LMNA: variants seen among roughly 807,000 people sequenced by gnomAD.
LMNA encodes lamin.
Under a neutral mutation model 70.4 loss-of-function variants are expected in LMNA, and 20 were observed. That is an observed-to-expected ratio of 0.28 (90% CI 0.20 to 0.41). LMNA has a LOEUF of 0.41. Among genes scored for constraint, LMNA ranks in the 10% least tolerant of loss-of-function variants. The probability of loss-of-function intolerance (pLI) is 1.00; values close to 1 mark genes in which losing one functional copy is unlikely to be tolerated. For synonymous variants in LMNA, 339 were observed against 372.8 expected (o/e 0.91, Z 1.04); for missense variants, 652 against 917.2 (o/e 0.71, Z 3.73).
rs1189029508 is a variant in LMNA at position 156,119,836 on chromosome 1, G to GC, written c.356+4568dup. The stretch of plus-strand genomic sequence containing the variant: ...GGTGGTCTGAATGTCTACCTCTTCT[G>GC]CCCCCCTCCCCATTGCATCCTGGAG... On this transcript the variant is annotated intron_variant, in intron 1 of 11. Coordinates refer to ENST00000368300, the MANE Select transcript of LMNA (RefSeq NM_170707.4). Among the ~76,000 whole-genome samples the GC allele has an allele frequency of 4.6e-5, 7 of 151,996 alleles. No homozygotes were observed. In the East Asian group the frequency reaches 9.7e-4, roughly 21 times the overall value.
At chr1:156,097,700 G>A (rs1480671651) in intron 3 of LMNA, among the ~76,000 whole-genome samples, 1 of 152,212 alleles carries the variant, frequency 6.6e-6, no homozygotes, top group Non-Finnish European at 1.5e-5. Flanking sequence ...GACCCCAGAG[G>A]AGATGGACCC....
chr1:156,134,896 C>T lies in LMNA; in HGVS notation c.731C>T (p.Ala244Val), dbSNP rs1183097458. Residue 244 changes from alanine to valine, a missense_variant, in exon 4 of 12, where the codon GCG becomes GTG. Physicochemically the swap from Ala to Val is moderately conservative, Grantham distance 64. Coordinates refer to ENST00000368300, the MANE Select transcript of LMNA (RefSeq NM_170707.4). The surrounding 1 kb of genome is among the most constrained non-coding windows in gnomAD (Gnocchi z 5.3). Reference sequence around the variant, plus strand: ...GAGTTTGAGAGCCGGCTGGCGGATGCGCTGCAGGAACTGCGGGCCCAGCAT... The same window carrying T: ...GAGTTTGAGAGCCGGCTGGCGGATGTGCTGCAGGAACTGCGGGCCCAGCAT... ...QREFESRLAD[A>V]LQELRAQHED... The T allele has an allele frequency of 4.3e-6, 7 of 1,614,068 alleles. No individual in the cohort carries two copies. Among genetic ancestry groups the T allele is most frequent in the Middle Eastern group, 1.6e-4 (1 of 6,084 alleles).
intron 1 of LMNA, 56 bp from the exon 2 acceptor site, chr1:156,130,561 A>G: frequency 6.3e-7 from 1 of 1,582,552 alleles, no homozygotes; most frequent in African/African-American, 1.3e-5. Flanking sequence ...GGAGCCTGGC[A>G]CTGTCTAGGC....
intron 2 of LMNA, among the ~76,000 whole-genome samples, chr1:156,133,388 T>C (rs1427719851): frequency 1.3e-5 from 2 of 151,388 alleles, no homozygotes; most frequent in Non-Finnish European, 1.5e-5. Flanking sequence ...CTGGCCAACA[T>C]GGTGAAACCC....
At chr1:156,094,276 G>A (rs1648822619) in intron 3 of LMNA, among the ~76,000 whole-genome samples, 2 of 152,128 alleles carry the variant, frequency 1.3e-5, no homozygotes, top group African/African-American at 4.8e-5. Context: ...CCTCTGCCTC[G>A]AACCCTCTCT....
chr1:156,118,301 G>A (rs549529990), intron 1 of LMNA, among the ~76,000 whole-genome samples: 30 of 152,244 alleles, frequency 2.0e-4, no homozygotes, highest in Admixed American at 1.9e-3. Context: ...AACTTTGATC[G>A]AGAAACAGAT....
Position 156,139,650 on chromosome 1 carries a change from C to T in LMNA, c.*544C>T, listed in dbSNP as rs1409688519. The T allele has an allele frequency of 6.7e-7, 1 of 1,490,668 alleles. No individual in the cohort carries two copies. The highest frequency in any genetic ancestry group is 8.9e-7 in the Non-Finnish European group (1 of 1,125,068). The allele number at this position is 1,490,668 out of a possible 1,614,324, so 92.3% of individuals were successfully genotyped here. A position where few individuals can be genotyped will look rare whatever the true frequency, so the allele number is the denominator to read the frequency against. ...CTGGGCTTGGCCTGCTGTGATTCCA[C>T]TACACCTGGCTGAGGTTCCTCTGCC... On this transcript the variant is annotated 3_prime_UTR_variant, in exon 12 of 12. Coordinates refer to ENST00000368300, the MANE Select transcript of LMNA (RefSeq NM_170707.4).
chr1:156,139,979 G>A lies in LMNA; in HGVS notation c.*873G>A. The stretch of plus-strand genomic sequence containing the variant: ...GAGGAGGAAGGCAAGAGGGGGTGGA[G>A]GGGTGTGGCAGTGGTTTTGGCAAAC... On this transcript the variant is annotated 3_prime_UTR_variant, in exon 12 of 12. Transcript: ENST00000368300. 2 of 749,912 alleles carry A rather than the reference G, an allele frequency of 2.7e-6. No individual in the cohort carries two copies. The highest frequency in any genetic ancestry group is 3.3e-5 in the Admixed American group (1 of 30,354). The allele number at this position is 749,912 out of a possible 1,614,324, so 46.5% of individuals were successfully genotyped here. A position where few individuals can be genotyped will look rare whatever the true frequency, so the allele number is the denominator to read the frequency against.
In LMNA at chr1:156,134,620, C is replaced by G; in HGVS notation, c.639+92C>G. ...GGGGACCAGCTGTGTGCAGAGCTCG[C>G]CTTCCTGAGTCCCTTGCCCTAGTGG... On this transcript the variant is annotated intron_variant, in intron 3 of 11. Coordinates refer to ENST00000368300, the MANE Select transcript of LMNA (RefSeq NM_170707.4). The surrounding 1 kb of genome is among the most constrained non-coding windows in gnomAD (Gnocchi z 5.3). The G allele has an allele frequency of 6.3e-7, 1 of 1,584,942 alleles. No homozygotes were observed.
At chr1:156,122,998 G>A (rs1650304406) in intron 1 of LMNA, 1 of 152,300 alleles carries the variant, frequency 6.6e-6, no homozygotes, top group South Asian at 2.1e-4. Flanking sequence ...AATAATTCTG[G>A]CTGAGATCCC....
intron 1 of LMNA, 76 bp from the exon 2 acceptor site, chr1:156,130,541 T>G (rs1320034367): frequency 1.7e-5 from 25 of 1,508,796 alleles, no homozygotes; most frequent in Non-Finnish European, 1.9e-5. Context: ...CCCCCATGGC[T>G]GACCTCCTGG....
chr1:156,137,125 G>A lies in LMNA; in HGVS notation c.1501G>A (p.Gly501Arg), dbSNP rs1050818529. 2.5e-6 allele frequency: 4 copies of A among 1,613,722 alleles called. No individual in the cohort carries two copies. The highest frequency in any genetic ancestry group is 1.6e-4 in the Middle Eastern group (1 of 6,084). The change falls in exon 9 of 12, where the codon GGA becomes AGA. Residue 501 changes from glycine to arginine, a missense_variant. Gly to Arg is a moderately radical substitution (Grantham distance 125). Coordinates refer to ENST00000368300, the MANE Select transcript of LMNA (RefSeq NM_170707.4). The surrounding 1 kb of genome is among the most constrained non-coding windows in gnomAD (Gnocchi z 4.6). Reference sequence around the variant, plus strand: ...TTCTCCTCTCCAGATCTGGGCTGCAGGAGCTGGGGCCACCCACAGCCCCCC... The same window carrying A: ...TTCTCCTCTCCAGATCTGGGCTGCAAGAGCTGGGGCCACCCACAGCCCCCC... ...AGQVVTIWAA[G>R]AGATHSPPTD...
intron 3 of LMNA, among the ~76,000 whole-genome samples, chr1:156,097,946 T>C (rs1244365852): frequency 1.3e-5 from 2 of 151,946 alleles, no homozygotes; most frequent in African/African-American, 4.9e-5. Context: ...TGTGCGTGTG[T>C]GCGTGCGTGT....
rs767252052 is a variant in LMNA at position 156,138,804 on chromosome 1, G to T, written c.1968+47G>T. The T allele has an allele frequency of 9.9e-6, 16 of 1,611,748 alleles. No homozygotes were observed. The highest frequency in any genetic ancestry group is 1.7e-6 in the Non-Finnish European group (2 of 1,179,212). On this transcript the variant is annotated intron_variant, in intron 11 of 11. Transcript: ENST00000368300. This position sits in a 1 kb window ranked among gnomAD's most constrained non-coding sequence, Gnocchi z 5.5. Reference sequence around the variant, plus strand: ...TCCAAATCCTGCAGGCGGGTCCCTGGTCATCGAGGGGTAGGACGAGGTGGC... The same window carrying T: ...TCCAAATCCTGCAGGCGGGTCCCTGTTCATCGAGGGGTAGGACGAGGTGGC...
intron 3 of LMNA, among the ~76,000 whole-genome samples, chr1:156,105,165 C>T (rs1470080652): frequency 3.9e-5 from 6 of 152,202 alleles, no homozygotes; most frequent in Non-Finnish European, 5.9e-5. Context: ...GGAGCTCACC[C>T]GGCAAAGAGG....
At chr1:156,117,145 G>A (rs916174049) in intron 1 of LMNA, among the ~76,000 whole-genome samples, 7 of 144,612 alleles carry the variant, frequency 4.8e-5, no homozygotes, top group Non-Finnish European at 7.5e-5. Context: ...GGCTAGGCTG[G>A]TCTCAAACTC....
upstream of LMNA, among the ~76,000 whole-genome samples, chr1:156,113,303 C>A (rs1314202500): frequency 6.6e-6 from 1 of 151,350 alleles, no homozygotes; most frequent in Admixed American, 6.6e-5. Flanking sequence ...GACTTAATCT[C>A]AAAAAAACAA....
intron 11 of LMNA, 55 bp from the exon 12 acceptor site, chr1:156,139,025 G>T (rs1651901184): frequency 8.8e-6 from 14 of 1,585,570 alleles, no homozygotes; most frequent in Admixed American, 1.7e-5. Flanking sequence ...AGGGGAGGGA[G>T]GGTCTGGGTC....
rs117009819 is a variant in LMNA at position 156,096,239 on chromosome 1, T to C, written c.-207+5657T>C. Among the ~76,000 whole-genome samples the C allele has an allele frequency of 1.6e-4, 25 of 152,322 alleles. No homozygotes were observed. In the East Asian group the frequency reaches 4.6e-3, roughly 28 times the overall value. On this transcript the variant is annotated intron_variant, in intron 3 of 12. Transcript: ENST00000368301. ...TCCGTTTCCTCTGCCTGGAACACAC[T>C]TGCTTCTCCCTTTCTGACTGGCTAT... is the stretch of plus-strand genomic sequence containing the variant.
Sources: gnomAD v4.1 joint callset for allele counts (sites outside exome capture counted in the v4.1 genomes callset) on GRCh38, gnomAD v4.1.1 for gene constraint, Gnocchi (gnomAD v3.1) non-coding constraint, MANE v1.5 for transcripts, NCBI Gene and HGNC (gene_info 2026-07-23, HGNC 2026-07-21) for gene names.